TRPC4: variants seen among roughly 807,000 people sequenced by gnomAD.
TRPC4 encodes short transient receptor potential channel 4.
A neutral mutation model predicts 99.4 loss-of-function variants in TRPC4; 49 were observed. The ratio of observed to expected loss-of-function variants is 0.49; its 90% confidence interval spans 0.39 to 0.63. The LOEUF is 0.63. Among genes scored for constraint, TRPC4 ranks in the 20% least tolerant of loss-of-function variants. The pLI, the probability that TRPC4 is intolerant of heterozygous loss-of-function variation, is 0.00. For missense variants in TRPC4, 898 were observed against 1,152.9 expected (o/e 0.78, Z 3.20); for synonymous variants, 454 against 425.9 (o/e 1.07, Z -0.81).
chr13:37,781,795 T>C (rs1169066981), intron 2 of TRPC4, among the ~76,000 whole-genome samples: 1 of 151,848 alleles, frequency 6.6e-6, no homozygotes, highest in Non-Finnish European at 1.5e-5. Flanking sequence ...GGATGAAACA[T>C]AAAAAAGGGA....
At chr13:37,753,912 G>T (rs936094967) in intron 2 of TRPC4, among the ~76,000 whole-genome samples, 1 of 152,092 alleles carries the variant, frequency 6.6e-6, no homozygotes, top group Non-Finnish European at 1.5e-5. Context: ...TTGATAAAGA[G>T]GCTTTTCTTA....
chr13:37,760,320 CT>C (rs1052087393), intron 2 of TRPC4, among the ~76,000 whole-genome samples: 2 of 151,882 alleles, frequency 1.3e-5, no homozygotes, highest in African/African-American at 4.8e-5. Flanking sequence ...TGGTGTTTGC[CT>C]TTTCCCTCTC....
intron 1 of TRPC4, among the ~76,000 whole-genome samples, chr13:37,842,066 T>A (rs141488687): frequency 0.032 from 4,802 of 151,958 alleles, 257 homozygotes; most frequent in African/African-American, 0.11. Context: ...GGTCAGGGGT[T>A]TGAGACCAGC....
chr13:37,726,840 A>T (rs367667440), intron 3 of TRPC4, among the ~76,000 whole-genome samples: 1 of 152,154 alleles, frequency 6.6e-6, no homozygotes, highest in East Asian at 1.9e-4. Context: ...TTAAATAAAA[A>T]AGGTGAAAAA....
At chr13:37,672,803 T>A (rs961894740) in intron 5 of TRPC4, among the ~76,000 whole-genome samples, 6 of 152,206 alleles carry the variant, frequency 3.9e-5, no homozygotes, top group African/African-American at 1.4e-4. Context: ...TTAACCTCAA[T>A]GCATTAATAA....
intron 1 of TRPC4, among the ~76,000 whole-genome samples, chr13:37,794,395 T>C (rs1593759342): frequency 6.6e-6 from 1 of 152,126 alleles, no homozygotes; most frequent in Non-Finnish European, 1.5e-5. Context: ...GACTAGTAGG[T>C]AGAAATTACA....
At chr13:37,677,227 C>A (rs534188181) in intron 4 of TRPC4, among the ~76,000 whole-genome samples, 74 of 151,912 alleles carry the variant, frequency 4.9e-4, no homozygotes, top group African/African-American at 1.7e-3. Flanking sequence ...GAGTAGAGAG[C>A]TATACATGTA....
rs1957628415 is a variant in TRPC4 at position 37,809,926 on chromosome 13, CA to C, written c.-27-26567del. Among the ~76,000 whole-genome samples, 5 of 152,148 alleles carry C rather than the reference CA, an allele frequency of 3.3e-5. No homozygotes were observed. The South Asian group carries it at 1.0e-3, about 32-fold the overall frequency. ...ATTCAGGGCTATATCAATTTCTGAGCAAGGGCTTCTAGATTTACAACTAAAA... is the reference window on the plus strand; with the variant it reads ...ATTCAGGGCTATATCAATTTCTGAGCAGGGCTTCTAGATTTACAACTAAAA... On this transcript the variant is annotated intron_variant, in intron 1 of 10. Coordinates refer to ENST00000379705, the MANE Select transcript of TRPC4 (RefSeq NM_016179.4).
At chr13:37,709,616 C>T (rs1954406534) in intron 3 of TRPC4, among the ~76,000 whole-genome samples, 1 of 151,938 alleles carries the variant, frequency 6.6e-6, no homozygotes, top group African/African-American at 2.4e-5. Context: ...GTCCAATCAC[C>T]ACTCTACTTT....
chr13:37,730,643 C>A (rs997781867), intron 3 of TRPC4, among the ~76,000 whole-genome samples: 2 of 151,868 alleles, frequency 1.3e-5, no homozygotes, highest in South Asian at 2.1e-4. Flanking sequence ...AGTTGGTAGG[C>A]AACCTTGATC....
intron 2 of TRPC4, among the ~76,000 whole-genome samples, chr13:37,772,715 A>C (rs1202084394): frequency 6.6e-6 from 1 of 151,732 alleles, no homozygotes; most frequent in Non-Finnish European, 1.5e-5. Context: ...ATTTATATCA[A>C]AAAAGGGTTC....
intron 4 of TRPC4, among the ~76,000 whole-genome samples, chr13:37,687,720 C>T (rs759812245): frequency 4.3e-4 from 65 of 152,118 alleles, no homozygotes; most frequent in Admixed American, 2.9e-3. Context: ...TCATGGAGAA[C>T]GTAAAAGTAC....
At chr13:37,653,347 T>G (rs1399671558) in intron 7 of TRPC4, among the ~76,000 whole-genome samples, 1 of 151,752 alleles carries the variant, frequency 6.6e-6, no homozygotes, top group Admixed American at 6.6e-5. Context: ...AGTTAAATTT[T>G]CCTCTTTTTC....
At chr13:37,748,611 G>A (rs1955849780) in intron 2 of TRPC4, among the ~76,000 whole-genome samples, 1 of 151,088 alleles carries the variant, frequency 6.6e-6, no homozygotes, top group African/African-American at 2.4e-5. Context: ...TTGGTTTGTT[G>A]AATGGTCAAT....
chr13:37,650,268 T>C (rs1951996220), intron 8 of TRPC4, among the ~76,000 whole-genome samples: 1 of 152,070 alleles, frequency 6.6e-6, no homozygotes, highest in African/African-American at 2.4e-5. Flanking sequence ...AATCCTAATA[T>C]GATAACATTT....
chr13:37,714,391 C>T (rs533844469), intron 3 of TRPC4, among the ~76,000 whole-genome samples: 138 of 152,166 alleles, frequency 9.1e-4, no homozygotes, highest in African/African-American at 3.2e-3. Flanking sequence ...CCTCCCAAAG[C>T]GCTGGGATTA....
chr13:37,850,039 A>G (rs774224696), intron 1 of TRPC4, among the ~76,000 whole-genome samples: 2 of 152,258 alleles, frequency 1.3e-5, no homozygotes, highest in Non-Finnish European at 2.9e-5. Context: ...ATATCTTAAA[A>G]TCATGTGATC....
At chr13:37,815,672 A>T (rs751110664) in intron 1 of TRPC4, among the ~76,000 whole-genome samples, 27 of 152,030 alleles carry the variant, frequency 1.8e-4, no homozygotes, top group Non-Finnish European at 3.5e-4. Context: ...AAAGTGGAAG[A>T]CTTCAAGACC....
intron 7 of TRPC4, among the ~76,000 whole-genome samples, chr13:37,652,836 A>C (rs1952096921): frequency 1.0e-5 from 1 of 97,722 alleles, no homozygotes; most frequent in African/African-American, 3.6e-5. Context: ...ATGTTATCTT[A>C]TTGCAATCAC....
Sources: gnomAD v4.1 joint callset for allele counts (sites outside exome capture counted in the v4.1 genomes callset) on GRCh38, gnomAD v4.1.1 for gene constraint, MANE v1.5 for transcripts, NCBI Gene and HGNC (gene_info 2026-07-23, HGNC 2026-07-21) for gene names.